Variants in NFE2L2 observed in about 807,000 individuals in gnomAD.
NFE2L2 encodes NFE2 like bZIP transcription factor 2.
NFE2L2 carries 20 observed loss-of-function variants against 49.6 expected under a neutral mutation model. The ratio of observed to expected loss-of-function variants is 0.40; its 90% CI spans 0.28 to 0.59. The LOEUF (loss-of-function observed/expected upper bound fraction) is 0.59, where lower values mean the gene tolerates loss of function less well. Among genes scored for constraint, NFE2L2 ranks in the 20% least tolerant of loss-of-function variants. NFE2L2 has a pLI of 0.40. For missense variants in NFE2L2, 578 were observed against 714.2 expected, an observed-to-expected ratio of 0.81 and a Z score of 2.17; for synonymous variants, 244 against 256.5, an observed-to-expected ratio of 0.95 and a Z score of 0.47.
intron 1 of NFE2L2, among the ~76,000 whole-genome samples, chr2:177,250,302 C>T (rs1690289177): frequency 6.6e-6 from 1 of 152,150 alleles, no homozygotes; most frequent in South Asian, 2.1e-4. Context: ...TATAAATTAA[C>T]CCGGAGTTCA....
At chr2:177,232,660 CA>C in intron 3 of NFE2L2, 77 bp from the exon 4 acceptor site, 1 of 1,409,262 alleles carries the variant, frequency 7.1e-7, no homozygotes, top group Non-Finnish European at 9.8e-7. Context: ...CACTACAAAA[CA>C]AAATGGAATC....
At position 177,230,738 on chromosome 2, in the gene NFE2L2, T is replaced by G. The variant is rs1001735936; in HGVS notation, c.*47A>C. 2.9e-5 allele frequency: 45 copies of G among 1,526,362 alleles called. No homozygotes were observed. The highest frequency in any genetic ancestry group is 2.3e-5 in the East Asian group (1 of 43,880). 94.6% of individuals were successfully genotyped at this position (1,526,362 alleles called of 1,614,324 possible). On this transcript the variant is annotated 3_prime_UTR_variant, in exon 5 of 5. Transcript: ENST00000397062. ...CACATCACAGTAGGAGCTTTTAGTA[T>G]AATAGTACAAAAAAACTAGCTCAGA...
chr2:177,239,701 T>C (rs945671156), intron 1 of NFE2L2, among the ~76,000 whole-genome samples: 17 of 152,100 alleles, frequency 1.1e-4, no homozygotes, highest in African/African-American at 3.1e-4. Flanking sequence ...GTAATGTTTT[T>C]TCTTGCTATG....
rs1189671760 is a variant in NFE2L2 at position 177,231,287 on chromosome 2, G to A, written c.1316C>T (p.Thr439Ile). 6.2e-7 allele frequency: 1 copy of A among 1,614,228 alleles called. No homozygotes were observed. The highest frequency in any genetic ancestry group is 1.1e-5 in the South Asian group (1 of 91,084). The stretch of plus-strand genomic sequence containing the variant: ...TGAATGTTTGTCTTTTGTGAATGGG[G>A]TTTTCCGATGACCAGGACTTACAGG... Reference protein sequence around the residue: ...ELPVSPGHRKTPFTKDKHSSR... With the variant: ...ELPVSPGHRKIPFTKDKHSSR... The change falls in exon 5 of 5, where the codon ACC (threonine) becomes ATC (isoleucine). Residue 439 changes from threonine to isoleucine, a missense_variant. This residue lies in a region of NFE2L2 where 368 missense variants were observed against 384.6 expected (regional missense o/e 0.96). Coordinates refer to ENST00000397062, the MANE Select transcript of NFE2L2 (RefSeq NM_006164.5).
rs1188299701 is a variant in NFE2L2 at position 177,232,592 on chromosome 2, G to A, written c.403-9C>T. The A allele has an allele frequency of 6.2e-7, 1 of 1,612,982 alleles. No homozygotes were observed. Among genetic ancestry groups the A allele is most frequent in the African/African-American group, 1.3e-5 (1 of 74,902 alleles). ...AACGTAGCCGAAGAAACCTAAAATT[G>A]ATAAGGCATTGATTTATGAGTCTTC... On this transcript the variant is annotated splice_polypyrimidine_tract_variant and intron_variant, in intron 3 of 4. Coordinates refer to ENST00000397062, the MANE Select transcript of NFE2L2 (RefSeq NM_006164.5).
At chr2:177,254,560 T>C (rs1344541187) in intron 1 of NFE2L2, among the ~76,000 whole-genome samples, 1 of 152,158 alleles carries the variant, frequency 6.6e-6, no homozygotes, top group Non-Finnish European at 1.5e-5. Context: ...CACTTTCTGC[T>C]TGTCACAGCG....
intron 1 of NFE2L2, chr2:177,264,312 G>T: frequency 2.0e-6 from 1 of 491,176 alleles, no homozygotes. Context: ...CCACCCGTTC[G>T]CCCTCGGGCT....
At chr2:177,255,978 A>C (rs1381402774) in intron 1 of NFE2L2, 2 of 154,660 alleles carry the variant, frequency 1.3e-5, no homozygotes, top group African/African-American at 4.8e-5. Flanking sequence ...TCATTTTTTA[A>C]GGAAAATGAG....
At chr2:177,235,320 C>T (rs1291341700) in intron 1 of NFE2L2, among the ~76,000 whole-genome samples, 2 of 151,658 alleles carry the variant, frequency 1.3e-5, no homozygotes, top group Non-Finnish European at 2.9e-5. Flanking sequence ...ACCTGTGGTC[C>T]CAGCTACTCA....
intron 1 of NFE2L2, among the ~76,000 whole-genome samples, chr2:177,256,492 A>C (rs1238407337): frequency 8.1e-6 from 1 of 122,964 alleles, no homozygotes. Flanking sequence ...TGTCAGCTAC[A>C]TTCTTGCAAA....
chr2:177,248,446 GT>G (rs1690212200), intron 1 of NFE2L2, among the ~76,000 whole-genome samples: 1 of 151,856 alleles, frequency 6.6e-6, no homozygotes, highest in Admixed American at 6.5e-5. Context: ...TTTCACTCTT[GT>G]TGCCCAGGCT....
chr2:177,257,977 T>A (rs1690588800), intron 1 of NFE2L2, among the ~76,000 whole-genome samples: 1 of 152,258 alleles, frequency 6.6e-6, no homozygotes, highest in African/African-American at 2.4e-5. Flanking sequence ...CCTAGGGCAC[T>A]GGCTCTCAAA....
chr2:177,260,145 G>A (rs1690675076), intron 1 of NFE2L2, among the ~76,000 whole-genome samples: 1 of 152,164 alleles, frequency 6.6e-6, no homozygotes, highest in Non-Finnish European at 1.5e-5. Context: ...GAAATTAGAT[G>A]ATCAAAGAAT....
intron 1 of NFE2L2, among the ~76,000 whole-genome samples, chr2:177,264,106 G>A (rs1000642925): frequency 1.5e-4 from 23 of 152,190 alleles, no homozygotes; most frequent in African/African-American, 5.5e-4. Flanking sequence ...ACCGAGGCGG[G>A]GGAGCCGCGC....
Position 177,231,903 on chromosome 2 carries a change from A to G in NFE2L2, c.700T>C (p.Ser234Pro). 1 of 1,614,164 alleles carries G rather than the reference A, an allele frequency of 6.2e-7. No individual in the cohort carries two copies. Among genetic ancestry groups the G allele is most frequent in the South Asian group, 1.1e-5 (1 of 91,080 alleles). Residue 234 changes from serine (S) to proline (P), a missense_variant, in exon 5 of 5, where the codon TCA becomes CCA. Around this residue, in one of 3 missense-constraint regions of NFE2L2, gnomAD observed 368 missense variants for 384.6 expected, o/e 0.96. Transcript: ENST00000397062. Reference sequence around the variant, plus strand: ...CAGTTACCTACTTCTTTTTCCATTGAGGGTATAGATGAGTAAAAATGATAA... The same window carrying G: ...CAGTTACCTACTTCTTTTTCCATTGGGGGTATAGATGAGTAAAAATGATAA... ...DNYHFYSSIP[S>P]MEKEVGNCSP...
intron 1 of NFE2L2, among the ~76,000 whole-genome samples, chr2:177,259,941 A>G (rs1265994839): frequency 6.6e-6 from 1 of 152,154 alleles, no homozygotes; most frequent in Non-Finnish European, 1.5e-5. Flanking sequence ...CAAAAAAAAA[A>G]GCCATCTGTA....
Position 177,231,278 on chromosome 2 carries a change from G to C in NFE2L2, c.1325C>G (p.Thr442Arg). The change falls in exon 5 of 5, where the codon ACA becomes AGA. Residue 442 changes from threonine to arginine, a missense_variant. Coordinates refer to ENST00000397062, the MANE Select transcript of NFE2L2 (RefSeq NM_006164.5). The part of the protein sequence containing the change: ...VSPGHRKTPF[T>R]KDKHSSRLEA... ...CAAGCGGCTTGAATGTTTGTCTTTT[G>C]TGAATGGGGTTTTCCGATGACCAGG... 6.2e-7 allele frequency: 1 copy of C among 1,614,204 alleles called. No individual in the cohort carries two copies. Among genetic ancestry groups the C allele is most frequent in the Non-Finnish European group, 8.5e-7 (1 of 1,180,038 alleles).
At chr2:177,263,677 T>G (rs1323812348) in intron 1 of NFE2L2, 1 of 985,338 alleles carries the variant, frequency 1.0e-6, no homozygotes, top group Non-Finnish European at 1.2e-6. Flanking sequence ...GCGTCCGAAC[T>G]AGAAGCCCCG....
In NFE2L2 at chr2:177,230,817, T is replaced by G; in HGVS notation, c.1786A>C (p.Lys596Gln). Residue 596 changes from lysine to glutamine, a missense_variant, in exon 5 of 5, where the codon AAA becomes CAA. By Grantham distance (53) the Lys-to-Gln change is moderately conservative. Coordinates refer to ENST00000397062, the MANE Select transcript of NFE2L2 (RefSeq NM_006164.5). ...TRDGNVFLVP[K>Q]SKKPDVKKN ...TTCTTAACATCTGGCTTCTTACTTT[T>G]GGGAACAAGGAAAACATTGCCATCT... 6.3e-7 allele frequency: 1 copy of G among 1,590,186 alleles called. No homozygotes were observed. Among genetic ancestry groups the G allele is most frequent in the Non-Finnish European group, 8.5e-7 (1 of 1,173,072 alleles).
Sources: gnomAD v4.1 joint callset for allele counts (sites outside exome capture counted in the v4.1 genomes callset) on GRCh38, gnomAD v4.1.1 for gene constraint, gnomAD v4.1.1 regional missense constraint, MANE v1.5 for transcripts, NCBI Gene and HGNC (gene_info 2026-07-23, HGNC 2026-07-21) for gene names.